The following GMDS variants were observed in gnomAD, a reference collection of about 807,000 sequenced individuals.
GMDS encodes GDP-mannose 4,6-dehydratase.
Under a neutral mutation model 49.9 loss-of-function variants are expected in GMDS, and 20 were observed. The observed-to-expected ratio is 0.40, with a 90% CI of 0.28 to 0.58. The LOEUF (loss-of-function observed/expected upper bound fraction) is 0.58. GMDS is among the 20% of genes least tolerant of loss of function. GMDS has a pLI of 0.42. For missense variants in GMDS, 362 were observed against 481.4 expected (o/e 0.75, Z 2.32); for synonymous variants, 177 against 178.6 (o/e 0.99, Z 0.07).
rs1025932589 is a variant in GMDS at position 2,191,939 on chromosome 6, C to A, written c.102+53382G>T. Among the ~76,000 whole-genome samples the A allele has an allele frequency of 6.6e-6, 1 of 152,142 alleles. No individual in the cohort carries two copies. Among genetic ancestry groups the A allele is most frequent in the African/African-American group, 2.4e-5 (1 of 41,456 alleles). On this transcript the variant is annotated intron_variant, in intron 1 of 10. Coordinates refer to ENST00000380815, the MANE Select transcript of GMDS (RefSeq NM_001500.4). This position sits in a 1 kb window ranked among gnomAD's most constrained non-coding sequence, Gnocchi z 4.6. ...GCAGGCTTATGGTGACTTTTCTGGG[C>A]CTGCCCATGACCACCCATGGACCAA...
chr6:2,007,723 G>C (rs1474935591), intron 4 of GMDS, among the ~76,000 whole-genome samples: 1 of 152,048 alleles, frequency 6.6e-6, no homozygotes, highest in Non-Finnish European at 1.5e-5. Flanking sequence ...TCTCATAAAA[G>C]AGCCTGATGT....
intron 4 of GMDS, among the ~76,000 whole-genome samples, chr6:2,065,386 A>G (rs535736): frequency 0.62 from 94,282 of 152,022 alleles, 29,579 homozygotes; most frequent in African/African-American, 0.71. Context: ...CCAAAGGAAC[A>G]CAGTTCCTCA....
At chr6:2,093,303 C>G (rs950212288) in intron 4 of GMDS, among the ~76,000 whole-genome samples, 5 of 152,096 alleles carry the variant, frequency 3.3e-5, no homozygotes, top group African/African-American at 1.2e-4. Flanking sequence ...TGAAAAAACA[C>G]AAATAAGTAC....
chr6:1,804,509 T>C (rs1235840220), intron 7 of GMDS, among the ~76,000 whole-genome samples: 2 of 152,260 alleles, frequency 1.3e-5, no homozygotes, highest in Admixed American at 1.3e-4. Context: ...GTTGGCTTTA[T>C]TGCTAATTTT....
At chr6:1,718,612 T>C (rs1766259031) in intron 9 of GMDS, among the ~76,000 whole-genome samples, 2 of 152,120 alleles carry the variant, frequency 1.3e-5, no homozygotes, top group African/African-American at 4.8e-5. Flanking sequence ...GCTGCTTCCC[T>C]TTCATCTGAG....
chr6:2,202,242 A>G (rs1779576558), intron 1 of GMDS, among the ~76,000 whole-genome samples: 1 of 149,156 alleles, frequency 6.7e-6, no homozygotes, highest in Admixed American at 6.7e-5. Flanking sequence ...AAGGATGAAG[A>G]GAGAGCACCA....
intron 7 of GMDS, among the ~76,000 whole-genome samples, chr6:1,826,486 G>C (rs1275836161): frequency 6.6e-6 from 1 of 152,144 alleles, no homozygotes; most frequent in Non-Finnish European, 1.5e-5. Context: ...GTGCTTAAAA[G>C]TTTGTTGTAG....
intron 4 of GMDS, among the ~76,000 whole-genome samples, chr6:1,991,507 T>A (rs1031013757): frequency 6.6e-6 from 1 of 152,216 alleles, no homozygotes; most frequent in East Asian, 1.9e-4. Context: ...GGGTGGCCAA[T>A]GATAGGCTTG....
At chr6:2,061,703 T>C (rs1248258760) in intron 4 of GMDS, among the ~76,000 whole-genome samples, 2 of 110,562 alleles carry the variant, frequency 1.8e-5, no homozygotes, top group Admixed American at 1.3e-4. Flanking sequence ...TGGGTGACAG[T>C]GCAAGACTCT....
At chr6:2,182,027 A>G (rs979007069) in intron 1 of GMDS, among the ~76,000 whole-genome samples, 1 of 152,266 alleles carries the variant, frequency 6.6e-6, no homozygotes, top group African/African-American at 2.4e-5. Context: ...CTTGGAGAAA[A>G]TTAAAAGTAC....
At chr6:1,966,716 C>T (rs897720690) in intron 4 of GMDS, among the ~76,000 whole-genome samples, 1 of 152,186 alleles carries the variant, frequency 6.6e-6, no homozygotes, top group Non-Finnish European at 1.5e-5. Context: ...ACATGTCACA[C>T]TGAGATGGCC....
intron 1 of GMDS, among the ~76,000 whole-genome samples, chr6:2,222,406 T>C (rs1292955734): frequency 6.6e-6 from 1 of 152,210 alleles, no homozygotes; most frequent in Non-Finnish European, 1.5e-5. Flanking sequence ...TCTCACTGCT[T>C]ATCTCCGACC....
intron 4 of GMDS, among the ~76,000 whole-genome samples, chr6:2,059,434 C>A (rs972620442): frequency 6.6e-6 from 1 of 151,284 alleles, no homozygotes; most frequent in East Asian, 1.9e-4. Context: ...ACTGGCCGGG[C>A]GCGGTGGCTC....
chr6:1,674,800 T>C (rs995066217), intron 9 of GMDS, among the ~76,000 whole-genome samples: 9 of 151,856 alleles, frequency 5.9e-5, no homozygotes, highest in Non-Finnish European at 1.3e-4. Flanking sequence ...TCTGCCTGCC[T>C]TGGCCTCCAA....
chr6:1,764,262 A>C (rs1768266468), intron 7 of GMDS, among the ~76,000 whole-genome samples: 1 of 152,182 alleles, frequency 6.6e-6, no homozygotes, highest in African/African-American at 2.4e-5. Flanking sequence ...CATGCACTCA[A>C]AACGGAGGCC....
intron 8 of GMDS, among the ~76,000 whole-genome samples, chr6:1,738,561 T>C (rs903590620): frequency 1.3e-5 from 2 of 152,196 alleles, no homozygotes; most frequent in African/African-American, 4.8e-5. Flanking sequence ...CAGCAGAGCT[T>C]AGAATAGCAA....
intron 7 of GMDS, among the ~76,000 whole-genome samples, chr6:1,862,824 C>G (rs1321829117): frequency 6.6e-6 from 1 of 152,122 alleles, no homozygotes; most frequent in Non-Finnish European, 1.5e-5. Context: ...TGGAGGAGAG[C>G]TATAGTTTTT....
At chr6:1,826,571 T>G (rs191563163) in intron 7 of GMDS, among the ~76,000 whole-genome samples, 38 of 152,326 alleles carry the variant, frequency 2.5e-4, no homozygotes, top group Admixed American at 2.1e-3. Flanking sequence ...GTCAATATAG[T>G]TATAAACTCC....
At position 1,640,674 on chromosome 6, in the gene GMDS, G is replaced by A. The variant is rs943027301; in HGVS notation, c.988-16134C>T. 1.2e-4 allele frequency among the ~76,000 whole-genome samples: 19 copies of A among 152,334 alleles called. No homozygotes were observed. Among genetic ancestry groups the A allele is most frequent in the Non-Finnish European group, 1.8e-4 (12 of 68,028 alleles). On this transcript the variant is annotated intron_variant, in intron 9 of 10. Coordinates refer to ENST00000380815, the MANE Select transcript of GMDS (RefSeq NM_001500.4). This position sits in a 1 kb window ranked among gnomAD's most constrained non-coding sequence, Gnocchi z 4.0. The stretch of plus-strand genomic sequence containing the variant: ...GAATGTGCCCTTGCATCCCCACAGC[G>A]CAGGCCCAGGGCTGCCGACACAGCA...
Sources: gnomAD v4.1 joint callset for allele counts (sites outside exome capture counted in the v4.1 genomes callset) on GRCh38, gnomAD v4.1.1 for gene constraint, Gnocchi (gnomAD v3.1) non-coding constraint, MANE v1.5 for transcripts, NCBI Gene and HGNC (gene_info 2026-07-23, HGNC 2026-07-21) for gene names.